CDIN1: variants seen among roughly 807,000 people sequenced by gnomAD.
CDIN1 encodes the protein CDAN1 interacting nuclease 1.
CDIN1 carries 33 observed loss-of-function variants against 45.3 expected under a neutral mutation model. That is an observed-to-expected ratio of 0.73 (90% confidence interval 0.55 to 0.97). The LOEUF is 0.97. Among genes scored for constraint, CDIN1 ranks in the 50% least tolerant of loss-of-function variants. The pLI is 0.00. For synonymous variants in CDIN1, 118 were observed against 124.4 expected (o/e 0.95, Z 0.34); for missense variants, 303 against 339.4 (o/e 0.89, Z 0.84).
chr15:36,588,652 T>C (rs1446780813), intron 1 of CDIN1, among the ~76,000 whole-genome samples: 1 of 152,178 alleles, frequency 6.6e-6, no homozygotes, highest in African/African-American at 2.4e-5. Flanking sequence ...TCATGTGTTT[T>C]CTTTAGTGAT....
At chr15:36,636,338 G>A (rs1431529536) in intron 1 of CDIN1, among the ~76,000 whole-genome samples, 1 of 152,116 alleles carries the variant, frequency 6.6e-6, no homozygotes, top group Non-Finnish European at 1.5e-5. Context: ...GGATCATGAG[G>A]TCAGGAGATC....
chr15:36,658,336 A>AAAAG, intron 5 of CDIN1: 1 of 152,858 alleles, frequency 6.5e-6, no homozygotes, highest in South Asian at 2.1e-4. Context: ...AAAAAAGAAA[A>AAAAG]AAAGAAAAGA....
In CDIN1 at chr15:36,797,339, A is replaced by G. The variant is rs1304274620; in HGVS notation, c.717-10985A>G. On this transcript the variant is annotated intron_variant, in intron 10 of 10. Coordinates refer to ENST00000566621, the MANE Select transcript of CDIN1 (RefSeq NM_001321759.2). ...TTTTGATTGATGTTTTTACAACCTT[A>G]TCTTCTAGATAAAAGCGACTGTAAA... Among the ~76,000 whole-genome samples, 3 of 152,186 alleles carry G rather than the reference A, an allele frequency of 2.0e-5. No individual in the cohort carries two copies. The East Asian group carries it at 5.8e-4, about 29-fold the overall frequency.
At chr15:36,685,456 A>G (rs1490670282) in intron 5 of CDIN1, among the ~76,000 whole-genome samples, 1 of 151,762 alleles carries the variant, frequency 6.6e-6, no homozygotes, top group African/African-American at 2.4e-5. Flanking sequence ...AGTTTGTTAT[A>G]ATTTCTGTTC....
chr15:36,747,127 T>TA (rs569706984), intron 10 of CDIN1: 15,247 of 321,262 alleles, frequency 0.047, no homozygotes, highest in Middle Eastern at 0.078. Flanking sequence ...GTTAGTGCAT[T>TA]AAAAAAAAAA....
chr15:36,790,896 A>G (rs1205819470), intron 10 of CDIN1, among the ~76,000 whole-genome samples: 1 of 152,198 alleles, frequency 6.6e-6, no homozygotes, highest in Non-Finnish European at 1.5e-5. Flanking sequence ...GGCTTGTTAT[A>G]TAGGTATGCT....
rs867007233 is a variant in CDIN1, at chr15:36,640,630, A to G, written c.102-3648A>G. On this transcript the variant is annotated intron_variant, in intron 1 of 10. Transcript: ENST00000566621. The stretch of plus-strand genomic sequence containing the variant: ...AGATTGCATACTCAAGAAGAGGAGG[A>G]ACATAAAATACGTGATGTCTTCTCT... The G allele has an allele frequency of 2.8e-5, 28 of 985,348 alleles. No homozygotes were observed. In the African/African-American group the frequency reaches 4.4e-4, roughly 15 times the overall value. 61.0% of individuals were successfully genotyped at this position (985,348 alleles called of 1,614,324 possible). A position where few individuals can be genotyped will look rare whatever the true frequency, so the allele number is the denominator to read the frequency against.
intron 10 of CDIN1, among the ~76,000 whole-genome samples, chr15:36,796,596 C>A (rs1399256583): frequency 6.6e-6 from 1 of 152,228 alleles, no homozygotes; most frequent in African/African-American, 2.4e-5. Flanking sequence ...CAGTCCCCTA[C>A]CAGGCATCTG....
intron 10 of CDIN1, among the ~76,000 whole-genome samples, chr15:36,713,202 T>C (rs760118757): frequency 6.6e-6 from 1 of 152,130 alleles, no homozygotes; most frequent in Non-Finnish European, 1.5e-5. Context: ...AATGAAAATA[T>C]TGAGTGACCT....
chr15:36,730,810 G>C (rs2043806164), intron 10 of CDIN1, among the ~76,000 whole-genome samples: 1 of 151,778 alleles, frequency 6.6e-6, no homozygotes, highest in African/African-American at 2.4e-5. Context: ...TATATTTTAA[G>C]GCAAAAAAAT....
At chr15:36,782,048 A>G (rs111562983) in intron 10 of CDIN1, among the ~76,000 whole-genome samples, 2 of 152,360 alleles carry the variant, frequency 1.3e-5, no homozygotes, top group African/African-American at 4.8e-5. Context: ...AGAAGTAGCC[A>G]TGGATTGTAA....
intron 1 of CDIN1, among the ~76,000 whole-genome samples, chr15:36,585,010 A>AT (rs1271335532): frequency 1.3e-5 from 2 of 152,206 alleles, no homozygotes; most frequent in African/African-American, 2.4e-5. Context: ...ATTGATTGAC[A>AT]TTTTTTAATC....
chr15:36,687,367 T>G (rs1438596837), intron 5 of CDIN1, among the ~76,000 whole-genome samples: 1 of 152,094 alleles, frequency 6.6e-6, no homozygotes, highest in African/African-American at 2.4e-5. Context: ...ATGGGGAAAT[T>G]AGTACAATAA....
At chr15:36,581,330 T>C (rs778577454) in intron 1 of CDIN1, among the ~76,000 whole-genome samples, 1 of 152,224 alleles carries the variant, frequency 6.6e-6, no homozygotes, top group Non-Finnish European at 1.5e-5. Context: ...TCTTTTTCTC[T>C]TTTTCGTTCT....
At chr15:36,661,578 T>C (rs1353227805) in intron 5 of CDIN1, among the ~76,000 whole-genome samples, 1 of 152,228 alleles carries the variant, frequency 6.6e-6, no homozygotes, top group African/African-American at 2.4e-5. Context: ...TAAGGAAGGC[T>C]AAATTTTACT....
chr15:36,706,027 C>G (rs2042851938), intron 8 of CDIN1: 2 of 152,038 alleles, frequency 1.3e-5, no homozygotes, highest in South Asian at 4.2e-4. Flanking sequence ...AACAGTGAAA[C>G]TTGAAGAAAC....
chr15:36,666,936 A>T (rs2041271687), intron 5 of CDIN1, among the ~76,000 whole-genome samples: 1 of 152,212 alleles, frequency 6.6e-6, no homozygotes, highest in South Asian at 2.1e-4. Flanking sequence ...TAACAACTTT[A>T]TAAGTCAAGT....
chr15:36,608,078 A>G (rs1366096447), intron 1 of CDIN1, among the ~76,000 whole-genome samples: 1 of 152,126 alleles, frequency 6.6e-6, no homozygotes, highest in Non-Finnish European at 1.5e-5. Flanking sequence ...TTATCCTTTT[A>G]TTAGTTTGTA....
chr15:36,670,856 A>G (rs549370273), intron 5 of CDIN1, among the ~76,000 whole-genome samples: 9 of 152,176 alleles, frequency 5.9e-5, no homozygotes, highest in South Asian at 4.1e-4. Flanking sequence ...GATATTTTGT[A>G]TATTTAGTTG....
Sources: allele counts gnomAD v4.1 joint callset (sites outside exome capture counted in the v4.1 genomes callset), GRCh38; gene constraint gnomAD v4.1.1; transcripts MANE v1.5; gene names NCBI Gene and HGNC (gene_info 2026-07-23, HGNC 2026-07-21).